Variants in MYO18B observed in about 807,000 individuals in gnomAD.
The protein encoded by MYO18B is unconventional myosin-XVIIIb.
MYO18B carries 204 observed loss-of-function variants against 273.0 expected under a neutral mutation model. The ratio of observed to expected loss-of-function variants is 0.75; its 90% CI spans 0.67 to 0.84. MYO18B has a LOEUF of 0.84. Among genes scored for constraint, MYO18B ranks in the 40% least tolerant of loss-of-function variants. The probability of loss-of-function intolerance (pLI) is 0.00; values close to 1 mark genes in which losing one functional copy is unlikely to be tolerated. For synonymous variants in MYO18B, 1,330 were observed against 1,305.7 expected (o/e 1.02, Z -0.40); for missense variants, 3,212 against 3,287.6 (o/e 0.98, Z 0.56).
chr22:25,985,090 G>A (rs986502885), intron 39 of MYO18B, among the ~76,000 whole-genome samples: 1 of 152,184 alleles, frequency 6.6e-6, no homozygotes, highest in Non-Finnish European at 1.5e-5. Context: ...GAGTCTCTCT[G>A]TGTCTGCTAT....
At chr22:25,812,488 T>C (rs929897019) in intron 12 of MYO18B, among the ~76,000 whole-genome samples, 5 of 150,266 alleles carry the variant, frequency 3.3e-5, no homozygotes, top group Non-Finnish European at 4.4e-5. Context: ...AGAGTTGGTA[T>C]CTGGGACCCA....
intron 4 of MYO18B, among the ~76,000 whole-genome samples, chr22:25,769,709 T>C (rs1429534346): frequency 6.6e-6 from 1 of 152,044 alleles, no homozygotes; most frequent in Non-Finnish European, 1.5e-5. Flanking sequence ...ACGGCTGACA[T>C]GGTAGAGCTT....
intron 7 of MYO18B, 24 bp from the exon 8 acceptor site, chr22:25,777,559 C>G: frequency 6.4e-7 from 1 of 1,563,056 alleles, no homozygotes; most frequent in Non-Finnish European, 8.7e-7. Context: ...GATGGGATGG[C>G]TGATACCTGT....
At chr22:25,976,633 C>T (rs917660000) in intron 39 of MYO18B, among the ~76,000 whole-genome samples, 1 of 152,136 alleles carries the variant, frequency 6.6e-6, no homozygotes, top group African/African-American at 2.4e-5. Flanking sequence ...TAGCTTTTGC[C>T]TTCACCCTAT....
rs917000475 is a variant in MYO18B, at chr22:25,761,048, G to A, written c.-45G>A. 2 of 1,609,406 alleles carry A rather than the reference G, an allele frequency of 1.2e-6. No individual in the cohort carries two copies. Among genetic ancestry groups the A allele is most frequent in the Non-Finnish European group, 1.7e-6 (2 of 1,177,046 alleles). ...CTCATTCCGTGCTGTCTGGCAGGAA[G>A]CTCCATCTCATCTCATCATCTCACG... On this transcript the variant is annotated 5_prime_UTR_variant, in exon 2 of 44. Coordinates refer to ENST00000335473, the MANE Select transcript of MYO18B (RefSeq NM_032608.7).
chr22:25,969,470 G>A (rs2093013284), intron 39 of MYO18B, among the ~76,000 whole-genome samples: 1 of 152,148 alleles, frequency 6.6e-6, no homozygotes, highest in South Asian at 2.1e-4. Context: ...TATAAATAAA[G>A]TTTTATTAAG....
chr22:25,890,685 G>T (rs2091633744), intron 25 of MYO18B, 71 bp from the exon 26 acceptor site: 5 of 1,582,914 alleles, frequency 3.2e-6, no homozygotes, highest in Non-Finnish European at 4.3e-6. Context: ...AGGCGATCCT[G>T]TGCATGGGGA....
chr22:25,962,312 C>T (rs145710921), intron 39 of MYO18B, among the ~76,000 whole-genome samples: 14 of 152,214 alleles, frequency 9.2e-5, no homozygotes, highest in African/African-American at 1.9e-4. Flanking sequence ...TTGTAAATGC[C>T]GATGTTCTTG....
intron 20 of MYO18B, among the ~76,000 whole-genome samples, chr22:25,850,932 C>A (rs1443783389): frequency 6.6e-6 from 1 of 152,216 alleles, no homozygotes; most frequent in Non-Finnish European, 1.5e-5. Flanking sequence ...TGCCCCTTCT[C>A]TTCCCAGTTC....
intron 39 of MYO18B, among the ~76,000 whole-genome samples, chr22:25,984,812 A>T (rs887381544): frequency 1.3e-5 from 2 of 151,760 alleles, no homozygotes; most frequent in African/African-American, 2.4e-5. Flanking sequence ...AGAAAAAAAA[A>T]AAAGTGTAGC....
chr22:25,820,180 A>C (rs2089221364), intron 12 of MYO18B, among the ~76,000 whole-genome samples: 1 of 150,236 alleles, frequency 6.7e-6, no homozygotes. Flanking sequence ...TCTCAGTTTC[A>C]TCATCTATAA....
chr22:25,950,041 C>T (rs2092772919), intron 36 of MYO18B, among the ~76,000 whole-genome samples: 1 of 152,156 alleles, frequency 6.6e-6, no homozygotes, highest in Admixed American at 6.6e-5. Flanking sequence ...GTTAAATGAC[C>T]CTCCGAGTAG....
chr22:25,772,608 C>T lies in MYO18B; in HGVS notation c.1869+98C>T, dbSNP rs61395948. 3,574 of 1,213,372 alleles carry T rather than the reference C, an allele frequency of 2.9e-3. 87 individuals carry two copies. In the African/African-American group the frequency reaches 0.048, roughly 16 times the overall value. 75.2% of individuals were successfully genotyped at this position (1,213,372 alleles called of 1,614,324 possible). ...GAGGTGACAGTAGAACCATCAGAGC[C>T]CCCAGTCGACCTGTCTGCAAGCAGC... On this transcript the variant is annotated intron_variant, in intron 7 of 43. Coordinates refer to ENST00000335473, the MANE Select transcript of MYO18B (RefSeq NM_032608.7).
intron 4 of MYO18B, 90 bp from the exon 5 acceptor site, chr22:25,770,020 C>T (rs757440725): frequency 6.7e-6 from 9 of 1,347,566 alleles, no homozygotes; most frequent in Non-Finnish European, 9.6e-6. Context: ...TTAGATGGCT[C>T]CAGAGCACAC....
At chr22:25,912,479 A>G (rs1355252090) in intron 33 of MYO18B, among the ~76,000 whole-genome samples, 1 of 152,244 alleles carries the variant, frequency 6.6e-6, no homozygotes, top group Non-Finnish European at 1.5e-5. Flanking sequence ...TTACATGTAA[A>G]GAGAAGGTAA....
At chr22:25,869,375 G>A (rs2285191) in intron 22 of MYO18B, among the ~76,000 whole-genome samples, 7,370 of 149,800 alleles carry the variant, frequency 0.049, 252 homozygotes, top group East Asian at 0.15. Flanking sequence ...GCTTGAACCC[G>A]GGAGGCGAAG....
At chr22:25,863,183 C>T (rs1390200851) in intron 21 of MYO18B, among the ~76,000 whole-genome samples, 1 of 152,110 alleles carries the variant, frequency 6.6e-6, no homozygotes, top group Non-Finnish European at 1.5e-5. Context: ...TAATTTCTAT[C>T]TTGTTATTGA....
chr22:25,940,136 G>T (rs2092626886), intron 34 of MYO18B, among the ~76,000 whole-genome samples: 2 of 152,160 alleles, frequency 1.3e-5, no homozygotes, highest in South Asian at 2.1e-4. Context: ...ATGATGATAT[G>T]GTTTGGCTAT....
chr22:25,906,247 A>T (rs1379804689), intron 31 of MYO18B, among the ~76,000 whole-genome samples: 1 of 152,196 alleles, frequency 6.6e-6, no homozygotes, highest in Non-Finnish European at 1.5e-5. Flanking sequence ...CATAAATGGT[A>T]TTGCAGATGT....
Sources: allele counts gnomAD v4.1 joint callset (sites outside exome capture counted in the v4.1 genomes callset), GRCh38; gene constraint gnomAD v4.1.1; transcripts MANE v1.5; gene names NCBI Gene and HGNC (gene_info 2026-07-23, HGNC 2026-07-21).